Variants in INPP4A observed in about 807,000 individuals in gnomAD.
The protein encoded by INPP4A is inositol polyphosphate-4-phosphatase type I A, also known as inositol polyphosphate-4-phosphatase, type I, 107kD.
Under a neutral mutation model 119.8 loss-of-function variants are expected in INPP4A, and 33 were observed. The observed-to-expected ratio is 0.28, with a 90% CI of 0.21 to 0.37. INPP4A has a LOEUF of 0.37. Among genes scored for constraint, INPP4A ranks in the 10% least tolerant of loss-of-function variants. The pLI is 1.00. For missense variants in INPP4A, 956 were observed against 1,289.9 expected (o/e 0.74, Z 3.97); for synonymous variants, 496 against 500.7 (o/e 0.99, Z 0.12).
chr2:98,517,522 C>T (rs1686380872), intron 1 of INPP4A, among the ~76,000 whole-genome samples: 2 of 152,176 alleles, frequency 1.3e-5, no homozygotes, highest in South Asian at 2.1e-4. Flanking sequence ...TACTGTTGGT[C>T]TTTTGTCATT....
At chr2:98,511,523 G>A (rs1329210804) in intron 1 of INPP4A, among the ~76,000 whole-genome samples, 1 of 152,168 alleles carries the variant, frequency 6.6e-6, no homozygotes, top group African/African-American at 2.4e-5. Flanking sequence ...AGAGGGCTGG[G>A]CCCCAGCTCT....
rs560955229 is a variant in INPP4A at position 98,521,904 on chromosome 2, A to G, written c.151+1173A>G. The G allele has an allele frequency of 5.9e-5, 9 of 152,288 alleles. No individual in the cohort carries two copies. In the South Asian group the frequency reaches 1.2e-3, roughly 21 times the overall value. The allele number at this position is 152,288 out of a possible 1,614,324, so 9.4% of individuals were successfully genotyped here. The stretch of plus-strand genomic sequence containing the variant: ...TGAGTTATGATTGGGCCACAGAGGG[A>G]TACCCTGTCTCTAAAAAATAATAAT... On this transcript the variant is annotated intron_variant, in intron 4 of 24. Transcript: ENST00000409851.
chr2:98,572,199 GT>G (rs1697589360), intron 22 of INPP4A, among the ~76,000 whole-genome samples: 1 of 152,238 alleles, frequency 6.6e-6, no homozygotes, highest in South Asian at 2.1e-4. Flanking sequence ...TTTTTCCTCA[GT>G]TTTGTCTGGG....
At chr2:98,534,865 C>T (rs1689931473) in intron 5 of INPP4A, among the ~76,000 whole-genome samples, 1 of 152,298 alleles carries the variant, frequency 6.6e-6, no homozygotes, top group African/African-American at 2.4e-5. Flanking sequence ...AAGGGGAGTT[C>T]ATGATCACTG....
chr2:98,506,510 C>A (rs1202036129), intron 1 of INPP4A, among the ~76,000 whole-genome samples: 1 of 152,202 alleles, frequency 6.6e-6, no homozygotes, highest in Non-Finnish European at 1.5e-5. Context: ...ATATTTCTTC[C>A]CCCTTGAGAT....
chr2:98,542,373 T>C (rs1691632555), intron 10 of INPP4A, among the ~76,000 whole-genome samples: 1 of 152,258 alleles, frequency 6.6e-6, no homozygotes, highest in Non-Finnish European at 1.5e-5. Flanking sequence ...TAAGAACTTA[T>C]GTAAAATTTA....
At chr2:98,533,547 G>A in intron 5 of INPP4A, 52 bp downstream of exon 5, 1 of 1,084,868 alleles carries the variant, frequency 9.2e-7, no homozygotes, top group South Asian at 1.2e-5. Flanking sequence ...CTCTAGTGGT[G>A]TCTCTTGTCC....
intron 1 of INPP4A, among the ~76,000 whole-genome samples, chr2:98,502,029 T>A (rs74652054): frequency 2.0e-5 from 3 of 152,260 alleles, no homozygotes; most frequent in Non-Finnish European, 2.9e-5. Flanking sequence ...TGCTCCCAGG[T>A]ACACTGTTCT....
chr2:98,486,222 T>C (rs1679509812), intron 1 of INPP4A, among the ~76,000 whole-genome samples: 1 of 152,236 alleles, frequency 6.6e-6, no homozygotes, highest in South Asian at 2.1e-4. Context: ...ATTGGGCCCA[T>C]TTCTATGGAA....
At chr2:98,500,699 TC>T (rs1309051523) in intron 1 of INPP4A, among the ~76,000 whole-genome samples, 6 of 152,188 alleles carry the variant, frequency 3.9e-5, no homozygotes, top group African/African-American at 1.4e-4. Context: ...CTAACAGGAT[TC>T]TTGCTAAACT....
In INPP4A at chr2:98,566,009, C is replaced by G; in HGVS notation, c.2280-20C>G. The G allele has an allele frequency of 6.2e-7, 1 of 1,600,368 alleles. No homozygotes were observed. The highest frequency in any genetic ancestry group is 1.1e-5 in the South Asian group (1 of 89,342). On this transcript the variant is annotated intron_variant, in intron 20 of 24. Transcript: ENST00000409851. This position sits in a 1 kb window ranked among gnomAD's most constrained non-coding sequence, Gnocchi z 4.2. Reference sequence around the variant, plus strand: ...GCCCTCTGGCCTCACACTGCTCTCCCTCTCTCCACCTTTCTCCAGCGACGG... The same window carrying G: ...GCCCTCTGGCCTCACACTGCTCTCCGTCTCTCCACCTTTCTCCAGCGACGG...
At chr2:98,576,493 A>G (rs544897082) in intron 23 of INPP4A, among the ~76,000 whole-genome samples, 2 of 152,260 alleles carry the variant, frequency 1.3e-5, no homozygotes, top group South Asian at 4.1e-4. Context: ...TGTTCAGGTG[A>G]AAGAGGAGAG....
At chr2:98,559,522 G>T in intron 17 of INPP4A, 27 bp downstream of exon 17, 1 of 1,610,726 alleles carries the variant, frequency 6.2e-7, no homozygotes, top group Non-Finnish European at 8.5e-7. Flanking sequence ...CAAGGCTCCT[G>T]CTGATGCCCT....
chr2:98,564,539 T>C, intron 18 of INPP4A, 101 bp from the exon 19 acceptor site: 1 of 1,421,214 alleles, frequency 7.0e-7, no homozygotes, highest in Non-Finnish European at 9.7e-7. Flanking sequence ...CTTTGAGCAG[T>C]GGCAGCAGAG....
intron 4 of INPP4A, among the ~76,000 whole-genome samples, chr2:98,530,520 G>A (rs554753264): frequency 6.6e-6 from 1 of 152,174 alleles, no homozygotes; most frequent in Non-Finnish European, 1.5e-5. Context: ...ACCAGAAGCA[G>A]GTGTTCATAG....
intron 1 of INPP4A, among the ~76,000 whole-genome samples, chr2:98,502,627 C>T (rs562075960): frequency 6.6e-6 from 1 of 152,206 alleles, no homozygotes; most frequent in East Asian, 1.9e-4. Context: ...GTGAAAGTAC[C>T]TCAACATTGT....
In INPP4A at chr2:98,588,153, C is replaced by T. The variant is rs918251654; in HGVS notation, c.*545C>T. ...GGGTTCTAGTGAATTATCCTATCTA[C>T]ACTACCACCTGAAGAAGTTGAAAGA... On this transcript the variant is annotated 3_prime_UTR_variant, in exon 25 of 25. Coordinates refer to ENST00000409851, the MANE Select transcript of INPP4A (RefSeq NM_001134225.2). 1.9e-5 allele frequency: 4 copies of T among 211,906 alleles called. No individual in the cohort carries two copies. The highest frequency in any genetic ancestry group is 6.8e-5 in the African/African-American group (3 of 44,214). The allele number at this position is 211,906 out of a possible 1,614,324, so 13.1% of individuals were successfully genotyped here.
intron 1 of INPP4A, among the ~76,000 whole-genome samples, chr2:98,459,419 G>A (rs78484110): frequency 0.018 from 2,691 of 152,298 alleles, 72 homozygotes; most frequent in African/African-American, 0.055. Context: ...GAGGGCTGGC[G>A]TGCAGAGTGC....
chr2:98,537,514 A>G (rs1690539648), intron 7 of INPP4A, among the ~76,000 whole-genome samples: 1 of 152,178 alleles, frequency 6.6e-6, no homozygotes, highest in Non-Finnish European at 1.5e-5. Flanking sequence ...CCTCACTCTG[A>G]CACGTGTCCC....
Sources: allele counts gnomAD v4.1 joint callset (sites outside exome capture counted in the v4.1 genomes callset), GRCh38; gene constraint gnomAD v4.1.1; non-coding constraint Gnocchi (gnomAD v3.1); transcripts MANE v1.5; gene names NCBI Gene and HGNC (gene_info 2026-07-23, HGNC 2026-07-21).